Variants in ZNF385B observed in about 807,000 individuals in gnomAD.
The protein encoded by ZNF385B is zinc finger protein 385B.
A neutral mutation model predicts 39.2 loss-of-function variants in ZNF385B; 23 were observed. The observed-to-expected ratio is 0.59, with a 90% CI of 0.42 to 0.83. The LOEUF is 0.83. Among genes scored for constraint, ZNF385B ranks in the 40% least tolerant of loss-of-function variants. The probability of loss-of-function intolerance (pLI) is 0.00; values close to 1 mark genes in which losing one functional copy is unlikely to be tolerated. For synonymous variants in ZNF385B, 205 were observed against 222.6 expected (o/e 0.92, Z 0.70); for missense variants, 552 against 598.9 (o/e 0.92, Z 0.82).
intron 5 of ZNF385B, among the ~76,000 whole-genome samples, chr2:179,489,547 G>A (rs1444000663): frequency 6.6e-6 from 1 of 152,158 alleles, no homozygotes; most frequent in African/African-American, 2.4e-5. Flanking sequence ...AAATGCTATA[G>A]TTAAACATAC....
chr2:179,640,671 G>A (rs928601477), intron 3 of ZNF385B, among the ~76,000 whole-genome samples: 1 of 152,098 alleles, frequency 6.6e-6, no homozygotes, highest in Non-Finnish European at 1.5e-5. Flanking sequence ...TTGCTAAGTG[G>A]AAAGAATAAG....
chr2:179,464,507 T>C lies in ZNF385B; in HGVS notation c.716-17737A>G, dbSNP rs112930440. 9.1e-3 allele frequency among the ~76,000 whole-genome samples: 1,379 copies of C among 152,302 alleles called. 10 individuals carry two copies. Among genetic ancestry groups the C allele is most frequent in the Non-Finnish European group, 0.014 (973 of 68,018 alleles). ...GTCTTATGTTTAAGTCTTTGATCCA[T>C]CTTGAGTTGATTTTTGTATAAGGTG... is the stretch of plus-strand genomic sequence containing the variant. On this transcript the variant is annotated intron_variant, in intron 6 of 9. Transcript: ENST00000410066.
At chr2:179,850,636 G>A (rs573094641) in intron 1 of ZNF385B, among the ~76,000 whole-genome samples, 3 of 152,304 alleles carry the variant, frequency 2.0e-5, no homozygotes, top group Non-Finnish European at 4.4e-5. Context: ...TGCTAAAGGG[G>A]GTTAAGAAAC....
rs200614511 is a variant in ZNF385B at position 179,725,908 on chromosome 2, G to GTATA, written c.298+43594_298+43595insTATA. ...TATATATGAATATATGTGTTTGTGT[G>GTATA]TGTATATATATATATATATATATAT... is the stretch of plus-strand genomic sequence containing the variant. On this transcript the variant is annotated intron_variant, in intron 3 of 9. Coordinates refer to ENST00000410066, the MANE Select transcript of ZNF385B (RefSeq NM_152520.6). Among the ~76,000 whole-genome samples the GTATA allele has an allele frequency of 2.0e-3, 224 of 111,058 alleles. 2 individuals are homozygous for GTATA. Among genetic ancestry groups the GTATA allele is most frequent in the South Asian group, 0.017 (66 of 3,962 alleles). The allele number at this position is 111,058 out of a possible 152,430, so 72.9% of individuals were successfully genotyped here.
At chr2:179,522,836 GA>G (rs745914163) in intron 4 of ZNF385B, 5 of 385,566 alleles carry the variant, frequency 1.3e-5, no homozygotes, top group East Asian at 8.1e-5. Context: ...CTTTTTTAAA[GA>G]AAAAAATACC....
chr2:179,510,486 A>C (rs1467876813), intron 5 of ZNF385B, among the ~76,000 whole-genome samples: 1 of 152,154 alleles, frequency 6.6e-6, no homozygotes, highest in Non-Finnish European at 1.5e-5. Flanking sequence ...TGACAAACCC[A>C]TTAGGGTAAA....
intron 3 of ZNF385B, among the ~76,000 whole-genome samples, chr2:179,734,888 G>A (rs1196553444): frequency 2.0e-5 from 3 of 152,000 alleles, no homozygotes; most frequent in African/African-American, 7.3e-5. Flanking sequence ...ATTCAAGATG[G>A]ATTAAAGACT....
chr2:179,781,803 A>G (rs2106524434), intron 1 of ZNF385B, among the ~76,000 whole-genome samples: 1 of 152,290 alleles, frequency 6.6e-6, no homozygotes, highest in African/African-American at 2.4e-5. Context: ...ACAAACCAAT[A>G]ACAAACTCTG....
chr2:179,663,123 G>C (rs1694695204), intron 3 of ZNF385B, among the ~76,000 whole-genome samples: 1 of 152,130 alleles, frequency 6.6e-6, no homozygotes, highest in African/African-American at 2.4e-5. Context: ...GACGGTGTGA[G>C]GATCAAACCA....
intron 3 of ZNF385B, among the ~76,000 whole-genome samples, chr2:179,681,001 C>A (rs1331260983): frequency 6.6e-6 from 1 of 151,912 alleles, no homozygotes; most frequent in African/African-American, 2.4e-5. Context: ...AATTCTTGAT[C>A]CCTGGATCCT....
chr2:179,587,954 A>G (rs1558949314), intron 3 of ZNF385B, among the ~76,000 whole-genome samples: 2 of 152,204 alleles, frequency 1.3e-5, no homozygotes, highest in Non-Finnish European at 2.9e-5. Flanking sequence ...GGTCTTTCAT[A>G]TTCCTTTAGG....
intron 3 of ZNF385B, among the ~76,000 whole-genome samples, chr2:179,633,082 G>T (rs936031587): frequency 6.6e-6 from 1 of 152,164 alleles, no homozygotes; most frequent in African/African-American, 2.4e-5. Context: ...ACTAAAAAAT[G>T]TCCAGGACCA....
intron 1 of ZNF385B, among the ~76,000 whole-genome samples, chr2:179,832,418 T>C (rs1170915769): frequency 6.6e-6 from 1 of 152,180 alleles, no homozygotes; most frequent in Non-Finnish European, 1.5e-5. Flanking sequence ...AGGGTCAGTA[T>C]TTGCATGTAA....
chr2:179,575,839 C>T (rs547583981), intron 3 of ZNF385B, among the ~76,000 whole-genome samples: 1 of 151,686 alleles, frequency 6.6e-6, no homozygotes, highest in Admixed American at 6.6e-5. Flanking sequence ...ATATTCTTGA[C>T]CCAGTGCTGG....
chr2:179,542,129 A>T (rs573714682), intron 4 of ZNF385B, among the ~76,000 whole-genome samples: 1 of 152,306 alleles, frequency 6.6e-6, no homozygotes, highest in East Asian at 1.9e-4. Context: ...AACTTTCATG[A>T]CATTCCCTTA....
intron 3 of ZNF385B, among the ~76,000 whole-genome samples, chr2:179,752,485 T>C (rs1478238951): frequency 2.0e-5 from 3 of 152,238 alleles, no homozygotes; most frequent in Non-Finnish European, 4.4e-5. Flanking sequence ...GTATTTCTAG[T>C]TCTAGATCCT....
chr2:179,690,126 G>A (rs1448735381), intron 3 of ZNF385B, among the ~76,000 whole-genome samples: 1 of 152,064 alleles, frequency 6.6e-6, no homozygotes, highest in Non-Finnish European at 1.5e-5. Context: ...TGCTTGCCCA[G>A]GCACCAGCTG....
At chr2:179,728,910 C>G (rs1402799820) in intron 3 of ZNF385B, among the ~76,000 whole-genome samples, 1 of 151,928 alleles carries the variant, frequency 6.6e-6, no homozygotes, top group Non-Finnish European at 1.5e-5. Context: ...TCAGGTAGCA[C>G]AAGTACTTTT....
intron 3 of ZNF385B, among the ~76,000 whole-genome samples, chr2:179,548,903 A>G (rs2060399431): frequency 6.7e-6 from 1 of 149,450 alleles, no homozygotes; most frequent in Non-Finnish European, 1.5e-5. Context: ...ACCACAATCA[A>G]TTTTAGAACA....
Sources: allele counts gnomAD v4.1 joint callset (sites outside exome capture counted in the v4.1 genomes callset), GRCh38; gene constraint gnomAD v4.1.1; transcripts MANE v1.5; gene names NCBI Gene and HGNC (gene_info 2026-07-23, HGNC 2026-07-21).